SPOCK3: variants seen among roughly 807,000 people sequenced by gnomAD.
The protein encoded by SPOCK3 is testican-3.
A neutral mutation model predicts 56.6 loss-of-function variants in SPOCK3; 30 were observed. That is an observed-to-expected ratio of 0.53 (90% CI 0.40 to 0.72). The LOEUF (loss-of-function observed/expected upper bound fraction) is 0.72, where lower values mean the gene tolerates loss of function less well. Among genes scored for constraint, SPOCK3 ranks in the 30% least tolerant of loss-of-function variants. SPOCK3 has a pLI of 0.00. For synonymous variants in SPOCK3, 196 were observed against 183.3 expected (o/e 1.07, Z -0.56); for missense variants, 527 against 530.0 (o/e 0.99, Z 0.06).
intron 2 of SPOCK3, among the ~76,000 whole-genome samples, chr4:167,175,021 G>A (rs1023214810): frequency 1.3e-4 from 19 of 151,960 alleles, no homozygotes; most frequent in African/African-American, 2.9e-4. Context: ...CAGCTGCCAC[G>A]TGCTATGTTA....
intron 2 of SPOCK3, among the ~76,000 whole-genome samples, chr4:167,066,374 A>G (rs960055156): frequency 2.6e-5 from 4 of 151,860 alleles, no homozygotes; most frequent in Non-Finnish European, 4.4e-5. Context: ...AAGGTGTGAC[A>G]AAAGGGAAGT....
At chr4:167,005,142 C>T (rs540477084) in intron 3 of SPOCK3, among the ~76,000 whole-genome samples, 8 of 152,208 alleles carry the variant, frequency 5.3e-5, no homozygotes, top group South Asian at 2.1e-4. Context: ...GAACAGAGAA[C>T]GCAGGCACCA....
At chr4:166,942,399 C>T (rs910520653) in intron 4 of SPOCK3, among the ~76,000 whole-genome samples, 29 of 149,452 alleles carry the variant, frequency 1.9e-4, no homozygotes, top group African/African-American at 6.2e-4. Flanking sequence ...TTAGTAGAGA[C>T]GGGGTTTCAT....
chr4:166,884,160 T>C (rs1313527284), intron 6 of SPOCK3, among the ~76,000 whole-genome samples: 1 of 152,054 alleles, frequency 6.6e-6, no homozygotes, highest in Non-Finnish European at 1.5e-5. Context: ...GAGATCAACC[T>C]GGCTAACACA....
At chr4:166,996,742 A>C (rs564783903) in intron 4 of SPOCK3, among the ~76,000 whole-genome samples, 1 of 152,276 alleles carries the variant, frequency 6.6e-6, no homozygotes, top group South Asian at 2.1e-4. Flanking sequence ...TATGACTTTG[A>C]ACATCACATA....
intron 6 of SPOCK3, among the ~76,000 whole-genome samples, chr4:166,884,530 G>A (rs1459061063): frequency 6.6e-6 from 1 of 151,940 alleles, no homozygotes; most frequent in Non-Finnish European, 1.5e-5. Context: ...CACCCAATAT[G>A]ATGTTAAAAG....
intron 4 of SPOCK3, among the ~76,000 whole-genome samples, chr4:166,992,763 T>C (rs1458371033): frequency 1.3e-5 from 2 of 152,108 alleles, no homozygotes; most frequent in African/African-American, 4.8e-5. Flanking sequence ...ACCAGATTCT[T>C]GTCTATTTGG....
chr4:166,768,529 C>T (rs573288981), intron 7 of SPOCK3, among the ~76,000 whole-genome samples: 1 of 152,126 alleles, frequency 6.6e-6, no homozygotes, highest in Non-Finnish European at 1.5e-5. Context: ...CTCTCTTCTG[C>T]CTTTTAGAGC....
chr4:167,190,249 G>C lies in SPOCK3; in HGVS notation c.189+43736C>G, dbSNP rs1039407929. Among the ~76,000 whole-genome samples the C allele has an allele frequency of 5.5e-5, 8 of 145,694 alleles. 1 individual carries two copies. The highest frequency in any genetic ancestry group is 6.8e-3 in the Middle Eastern group (2 of 292). On this transcript the variant is annotated intron_variant, in intron 2 of 10. Coordinates refer to ENST00000357545, the MANE Select transcript of SPOCK3 (RefSeq NM_001040159.2). ...TTCCAGTTCCACCAACAGTGTATAA[G>C]GCTTCCCTTTTTGACACCCTCACCA...
chr4:167,010,942 T>C (rs1378787999), intron 3 of SPOCK3, among the ~76,000 whole-genome samples: 1 of 152,160 alleles, frequency 6.6e-6, no homozygotes, highest in African/African-American at 2.4e-5. Context: ...AGCAAATTAT[T>C]ATATAGTTAC....
chr4:167,035,479 C>G (rs55698921), intron 3 of SPOCK3, among the ~76,000 whole-genome samples: 3 of 152,010 alleles, frequency 2.0e-5, no homozygotes, highest in African/African-American at 7.3e-5. Flanking sequence ...AAAGTCCCTA[C>G]AGGACCTACC....
At chr4:166,993,179 T>C (rs1413003938) in intron 4 of SPOCK3, among the ~76,000 whole-genome samples, 1 of 152,164 alleles carries the variant, frequency 6.6e-6, no homozygotes, top group African/African-American at 2.4e-5. Context: ...CAGAATTTCC[T>C]TCCTTCAAAT....
intron 3 of SPOCK3, among the ~76,000 whole-genome samples, chr4:167,007,265 G>A (rs776960966): frequency 3.3e-5 from 5 of 151,964 alleles, no homozygotes; most frequent in African/African-American, 4.8e-5. Flanking sequence ...ACCAAAATCC[G>A]CAGATACTCA....
chr4:167,117,201 G>A (rs1457935225), intron 2 of SPOCK3, among the ~76,000 whole-genome samples: 5 of 151,884 alleles, frequency 3.3e-5, no homozygotes, highest in African/African-American at 1.2e-4. Flanking sequence ...ATAAATATGT[G>A]AAACTATTAC....
chr4:167,231,054 AC>A (rs1737126440), intron 2 of SPOCK3, among the ~76,000 whole-genome samples: 1 of 152,126 alleles, frequency 6.6e-6, no homozygotes, highest in Non-Finnish European at 1.5e-5. Flanking sequence ...TTTTATGCTC[AC>A]CTACTCTCTC....
intron 6 of SPOCK3, among the ~76,000 whole-genome samples, chr4:166,796,142 A>C (rs1411300054): frequency 1.3e-5 from 2 of 152,192 alleles, no homozygotes; most frequent in Non-Finnish European, 2.9e-5. Context: ...TCCAGTCTCC[A>C]GAATTGTGAG....
intron 2 of SPOCK3, among the ~76,000 whole-genome samples, chr4:167,230,526 A>T (rs1408089120): frequency 6.7e-6 from 1 of 149,256 alleles, no homozygotes; most frequent in East Asian, 2.0e-4. Context: ...AAAAACCAGC[A>T]TGTAACCAGT....
intron 4 of SPOCK3, among the ~76,000 whole-genome samples, chr4:166,992,552 C>A (rs376026630): frequency 1.3e-5 from 2 of 152,118 alleles, no homozygotes; most frequent in East Asian, 3.9e-4. Flanking sequence ...ATATGAAAGG[C>A]ACCTACTACA....
At chr4:167,151,382 C>T (rs1764401821) in intron 2 of SPOCK3, among the ~76,000 whole-genome samples, 2 of 148,810 alleles carry the variant, frequency 1.3e-5, no homozygotes, top group East Asian at 2.0e-4. Flanking sequence ...AAAGGCTGCT[C>T]AGGCTAACTT....
Sources: allele counts gnomAD v4.1 joint callset (sites outside exome capture counted in the v4.1 genomes callset), GRCh38; gene constraint gnomAD v4.1.1; transcripts MANE v1.5; gene names NCBI Gene and HGNC (gene_info 2026-07-23, HGNC 2026-07-21).